The following APOF variants were observed in gnomAD, a reference collection of about 807,000 sequenced individuals.
APOF encodes the protein apolipoprotein F.
In APOF, 2 loss-of-function variants were observed where a neutral mutation model predicts 2.4. The ratio of observed to expected loss-of-function variants is 0.83; its 90% confidence interval spans 0.34 to 2.61. The LOEUF is 2.61. APOF is among the 30% of genes most tolerant of loss of function. The pLI is 0.11. For missense variants in APOF, 370 were observed against 388.7 expected, an observed-to-expected ratio of 0.95 and a Z score of 0.40; for synonymous variants, 149 against 155.6, an observed-to-expected ratio of 0.96 and a Z score of 0.32.
Position 56,361,527 on chromosome 12 carries a change from T to C in APOF, c.679A>G (p.Met227Val). 1 of 1,614,060 alleles carries C rather than the reference T, an allele frequency of 6.2e-7. No individual in the cohort carries two copies. Among genetic ancestry groups the C allele is most frequent in the Non-Finnish European group, 8.5e-7 (1 of 1,179,898 alleles). Residue 227 changes from methionine (M) to valine (V), a missense_variant, in exon 2 of 2, where the codon ATG (methionine) becomes GTG (valine). Coordinates refer to ENST00000398189, the MANE Select transcript of APOF (RefSeq NM_001638.4). ...GAIDLGYDLL[M>V]TMAGMSGGPM... ...CCCCCTGACATCCCAGCCATGGTCA[T>C]CAGAAGGTCATATCCCAGATCTATG...
At position 56,361,795 on chromosome 12, in the gene APOF, C is replaced by T. The variant is rs199897573; in HGVS notation, c.411G>A (p.Glu137=). The change falls in exon 2 of 2, where the codon GAG becomes GAA. Residue 137 remains glutamate, a synonymous_variant. Transcript: ENST00000398189. ...CCAGGGCTTCCACTGACACGTTCCT[C>T]TCTGTGCTTCTGCCTTTCTGGAGCC... The part of the protein sequence containing the change: ...LRGLQKGRST[E]RNVSVEALAS... 533 of 1,612,192 alleles carry T rather than the reference C, an allele frequency of 3.3e-4. 1 individual carries two copies. Among genetic ancestry groups the T allele is most frequent in the Middle Eastern group, 4.9e-4 (3 of 6,084 alleles).
At position 56,361,690 on chromosome 12, in the gene APOF, C is replaced by T. The variant is rs74908530; in HGVS notation, c.516G>A (p.Glu172=). The T allele has an allele frequency of 1.9e-6, 3 of 1,610,894 alleles. No homozygotes were observed. In the East Asian group the frequency reaches 6.7e-5, roughly 36 times the overall value. The stretch of plus-strand genomic sequence containing the variant: ...TGTGCACAGCTTGCTCCTTCTCATT[C>T]TCACAGTCCTCTGTCGGGAGGGAGC... ...VGRSLPTEDC[E]NEKEQAVHNV... The change falls in exon 2 of 2, where the codon GAG becomes GAA. Residue 172 remains glutamate, a synonymous_variant. Transcript: ENST00000398189.
In APOF at chr12:56,362,198, G is replaced by T. The variant is rs771235228; in HGVS notation, c.17-9C>A. 2 of 1,608,018 alleles carry T rather than the reference G, an allele frequency of 1.2e-6. No individual in the cohort carries two copies. Among genetic ancestry groups the T allele is most frequent in the Admixed American group, 3.3e-5 (2 of 59,870 alleles). ...GTCTGGAGCAGAGTACCCTAGAAAG[G>T]GGAGAAATCCGAAACATACAAACCA... On this transcript the variant is annotated splice_polypyrimidine_tract_variant and intron_variant, in intron 1 of 1. Transcript: ENST00000398189.
chr12:56,362,236 C>T (rs746022115), intron 1 of APOF, 47 bp from the exon 2 acceptor site: 60 of 1,575,818 alleles, frequency 3.8e-5, no homozygotes, highest in Admixed American at 1.0e-4. Context: ...TCCCTAAGGG[C>T]GATGGTGAGC....
chr12:56,362,317 A>G lies in APOF; in HGVS notation c.17-128T>C, dbSNP rs554586518. The G allele has an allele frequency of 1.7e-3, 1,924 of 1,152,530 alleles. 2 individuals are homozygous for G. Among genetic ancestry groups the G allele is most frequent in the Non-Finnish European group, 2.1e-3 (1,767 of 834,692 alleles). The allele number at this position is 1,152,530 out of a possible 1,614,324, so 71.4% of individuals were successfully genotyped here. A position where few individuals can be genotyped will look rare whatever the true frequency, so the allele number is the denominator to read the frequency against. ...GCTTTTGTACTTTCTTTTTAGAGACAGGGTCTTGCTCTGTTGCCCAGACTA... is the reference window on the plus strand; with the variant it reads ...GCTTTTGTACTTTCTTTTTAGAGACGGGGTCTTGCTCTGTTGCCCAGACTA... On this transcript the variant is annotated intron_variant, in intron 1 of 1. Coordinates refer to ENST00000398189, the MANE Select transcript of APOF (RefSeq NM_001638.4).
Position 56,360,870 on chromosome 12 carries a change from C to A in APOF, c.*355G>T. ...ACAGTGCTGGGATTACAGGCGTGAG[C>A]CACCGCACCTGGCTAATAGCTATTT... is the stretch of plus-strand genomic sequence containing the variant. On this transcript the variant is annotated 3_prime_UTR_variant, in exon 2 of 2. Transcript: ENST00000398189. 3.9e-6 allele frequency: 1 copy of A among 253,332 alleles called. No individual in the cohort carries two copies. The highest frequency in any genetic ancestry group is 2.3e-5 in the African/African-American group (1 of 43,852). 15.7% of individuals were successfully genotyped at this position (253,332 alleles called of 1,614,324 possible). A position where few individuals can be genotyped will look rare whatever the true frequency, so the allele number is the denominator to read the frequency against.
rs11575220 is a variant in APOF, at chr12:56,361,072, A to G, written c.*153T>C. 1.1e-6 allele frequency: 1 copy of G among 919,980 alleles called. No individual in the cohort carries two copies. Among genetic ancestry groups the G allele is most frequent in the East Asian group, 2.6e-5 (1 of 38,020 alleles). The allele number at this position is 919,980 out of a possible 1,614,324, so 57.0% of individuals were successfully genotyped here. A position where few individuals can be genotyped will look rare whatever the true frequency, so the allele number is the denominator to read the frequency against. On this transcript the variant is annotated 3_prime_UTR_variant, in exon 2 of 2. Coordinates refer to ENST00000398189, the MANE Select transcript of APOF (RefSeq NM_001638.4). ...CTCTAACAAGTGGAGCCTAGATTCG[A>G]AACCAAACCCTGTGACTTCAACACC... is the stretch of plus-strand genomic sequence containing the variant.
rs1211512557 is a variant in APOF, at chr12:56,361,985, G to T, written c.221C>A (p.Pro74His). Reference protein sequence around the residue: ...SCQFLHPKSLPGFSHMAPLPK... With the variant: ...SCQFLHPKSLHGFSHMAPLPK... ...TAGAGGGGCCATGTGGCTGAAACCA[G>T]GCAGTGACTTTGGGTGCAGAAATTG... The change falls in exon 2 of 2, where the codon CCT (proline) becomes CAT (histidine). Residue 74 changes from proline (P) to histidine (H), a missense_variant. Transcript: ENST00000398189. The T allele has an allele frequency of 6.2e-7, 1 of 1,613,908 alleles. No individual in the cohort carries two copies. Among genetic ancestry groups the T allele is most frequent in the Non-Finnish European group, 8.5e-7 (1 of 1,179,896 alleles).
rs1880432038 is a variant in APOF at position 56,362,637 on chromosome 12, T to G, written c.16+93A>C. The G allele has an allele frequency of 2.3e-6, 3 of 1,287,954 alleles. No homozygotes were observed. In the South Asian group the frequency reaches 3.7e-5, roughly 16 times the overall value. The allele number at this position is 1,287,954 out of a possible 1,614,324, so 79.8% of individuals were successfully genotyped here. A position where few individuals can be genotyped will look rare whatever the true frequency, so the allele number is the denominator to read the frequency against. On this transcript the variant is annotated intron_variant, in intron 1 of 1. Coordinates refer to ENST00000398189, the MANE Select transcript of APOF (RefSeq NM_001638.4). ...AGGTAAAGGCCTAGGAAATAGGAAA[T>G]GCACCCCAGTTGCTCCCACTTGGTC...
Position 56,361,193 on chromosome 12 carries a change from A to G in APOF, c.*32T>C. On this transcript the variant is annotated 3_prime_UTR_variant, in exon 2 of 2. Coordinates refer to ENST00000398189, the MANE Select transcript of APOF (RefSeq NM_001638.4). ...CATGTATATAGCTTGTCAGGGTAGTACAGTTATTAATTCTGTGGTTACCAC... is the reference window on the plus strand; with the variant it reads ...CATGTATATAGCTTGTCAGGGTAGTGCAGTTATTAATTCTGTGGTTACCAC... 17 of 1,595,206 alleles carry G rather than the reference A, an allele frequency of 1.1e-5. No individual in the cohort carries two copies. Among genetic ancestry groups the G allele is most frequent in the Non-Finnish European group, 1.3e-5 (15 of 1,170,536 alleles).
rs746083490 is a variant in APOF at position 56,361,723 on chromosome 12, C to T, written c.483G>A (p.Arg161=). The change falls in exon 2 of 2, where the codon AGG becomes AGA. Residue 161 remains arginine (R), a synonymous_variant. Coordinates refer to ENST00000398189, the MANE Select transcript of APOF (RefSeq NM_001638.4). Reference sequence around the variant, plus strand: ...CCTCTGTCGGGAGGGAGCGCCCGACCCTTCCTGTGCTTTGCTGCTCCCTGG... The same window carrying T: ...CCTCTGTCGGGAGGGAGCGCCCGACTCTTCCTGTGCTTTGCTGCTCCCTGG... ...LLAREQQSTG[R]VGRSLPTEDC... 1.9e-6 allele frequency: 3 copies of T among 1,609,478 alleles called. No individual in the cohort carries two copies. Among genetic ancestry groups the T allele is most frequent in the East Asian group, 2.2e-5 (1 of 44,726 alleles).
rs1880350523 is a variant in APOF at position 56,361,575 on chromosome 12, T to C, written c.631A>G (p.Arg211Gly). 1 of 1,614,076 alleles carries C rather than the reference T, an allele frequency of 6.2e-7. No individual in the cohort carries two copies. Among genetic ancestry groups the C allele is most frequent in the Non-Finnish European group, 8.5e-7 (1 of 1,179,904 alleles). Residue 211 changes from arginine to glycine, a missense_variant, in exon 2 of 2, where the codon AGG becomes GGG. Transcript: ENST00000398189. ...YATQNCLGKA[R>G]ERGRDGAIDL... ...ATGGCCCCATCTCGGCCTCGTTCCC[T>C]GGCCTTGCCCAGGCAGTTTTGAGTA...
Position 56,361,492 on chromosome 12 carries a change from A to G in APOF, c.714T>C (p.Gly238=), listed in dbSNP as rs765161945. The G allele has an allele frequency of 8.7e-6, 14 of 1,613,886 alleles. No individual in the cohort carries two copies. Among genetic ancestry groups the G allele is most frequent in the Non-Finnish European group, 1.2e-5 (14 of 1,179,896 alleles). The change falls in exon 2 of 2, where the codon GGT becomes GGC. Residue 238 remains glycine (G), a synonymous_variant. Coordinates refer to ENST00000398189, the MANE Select transcript of APOF (RefSeq NM_001638.4). ...TMAGMSGGPM[G]LAISAALKPA... ...GTTTAAGTGCAGCACTGATCGCTAG[A>G]CCCATAGGCCCCCCTGACATCCCAG... is the stretch of plus-strand genomic sequence containing the variant.
In APOF at chr12:56,362,208, C is replaced by T. The variant is rs777081793; in HGVS notation, c.17-19G>A. 1.7e-5 allele frequency: 27 copies of T among 1,604,132 alleles called. No homozygotes were observed. The Middle Eastern group carries it at 6.1e-4, about 36-fold the overall frequency. ...GAGTACCCTAGAAAGGGGAGAAATCCGAAACATACAAACCATTTCCCTAAG... is the reference window on the plus strand; with the variant it reads ...GAGTACCCTAGAAAGGGGAGAAATCTGAAACATACAAACCATTTCCCTAAG... On this transcript the variant is annotated intron_variant, in intron 1 of 1. Transcript: ENST00000398189.
Position 56,362,779 on chromosome 12 carries a change from C to A in APOF, c.-34G>T. On this transcript the variant is annotated 5_prime_UTR_variant, in exon 1 of 2. Transcript: ENST00000398189. ...GAGACTGCCTTGGTAGGTTTGATCG[C>A]TTCCTGATCCTGTTCTGCCTAGTTC... 1 of 1,613,200 alleles carries A rather than the reference C, an allele frequency of 6.2e-7. No homozygotes were observed. Among genetic ancestry groups the A allele is most frequent in the African/African-American group, 1.3e-5 (1 of 75,014 alleles).
Position 56,362,826 on chromosome 12 carries a change from A to G in APOF, c.-81T>C, listed in dbSNP as rs936016269. 9 of 1,527,458 alleles carry G rather than the reference A, an allele frequency of 5.9e-6. No individual in the cohort carries two copies. In the Admixed American group the frequency reaches 1.2e-4, roughly 21 times the overall value. The allele number at this position is 1,527,458 out of a possible 1,614,324, so 94.6% of individuals were successfully genotyped here. ...GTTCTGTGTCCCATGAGGAAAGGAG[A>G]TATTTGCTTTCCCCTATGATCAGTG... On this transcript the variant is annotated 5_prime_UTR_variant, in exon 1 of 2. Coordinates refer to ENST00000398189, the MANE Select transcript of APOF (RefSeq NM_001638.4).
rs1880298286 is a variant in APOF at position 56,361,148 on chromosome 12, TCAGA to T, written c.*73_*76del. 2 of 1,487,042 alleles carry T rather than the reference TCAGA, an allele frequency of 1.3e-6. No homozygotes were observed. The highest frequency in any genetic ancestry group is 4.3e-5 in the Admixed American group (2 of 46,968). 92.1% of individuals were successfully genotyped at this position (1,487,042 alleles called of 1,614,324 possible). A position where few individuals can be genotyped will look rare whatever the true frequency, so the allele number is the denominator to read the frequency against. On this transcript the variant is annotated 3_prime_UTR_variant, in exon 2 of 2. Transcript: ENST00000398189. ...CTGTACAGCCTTCCTCCTGGATAAA[TCAGA>T]TTAAAATTTTGAAGACATGTATATA...
intron 1 of APOF, 24 bp downstream of exon 1, chr12:56,362,706 C>T: frequency 2.5e-6 from 4 of 1,613,426 alleles, no homozygotes; most frequent in Non-Finnish European, 2.5e-6. Flanking sequence ...TTATTTCCAC[C>T]CATATATAGG....
Position 56,361,471 on chromosome 12 carries a change from A to G in APOF, c.735T>C (p.Leu245=). The G allele has an allele frequency of 6.2e-7, 1 of 1,614,056 alleles. No individual in the cohort carries two copies. Among genetic ancestry groups the G allele is most frequent in the Non-Finnish European group, 8.5e-7 (1 of 1,179,904 alleles). Residue 245 remains leucine (L), a synonymous_variant, in exon 2 of 2, where the codon CTT becomes CTC. Transcript: ENST00000398189. ...GPMGLAISAA[L]KPALRSGVQQ... ...GAACCCCAGACCTTAATGCAGGTTT[A>G]AGTGCAGCACTGATCGCTAGACCCA... is the stretch of plus-strand genomic sequence containing the variant.
Sources: gnomAD v4.1 joint callset for allele counts on GRCh38, gnomAD v4.1.1 for gene constraint, MANE v1.5 for transcripts, NCBI Gene and HGNC (gene_info 2026-07-23, HGNC 2026-07-21) for gene names.